The following SMC6 variants were observed in gnomAD, a reference collection of about 807,000 sequenced individuals.
SMC6 encodes structural maintenance of chromosomes 6, also known as structural maintenance of chromosomes protein 6.
SMC6 carries 79 observed loss-of-function variants against 142.2 expected under a neutral mutation model. The ratio of observed to expected loss-of-function variants is 0.56; its 90% CI spans 0.46 to 0.67. The LOEUF (loss-of-function observed/expected upper bound fraction) is 0.67, where lower values mean the gene tolerates loss of function less well. Among genes scored for constraint, SMC6 ranks in the 30% least tolerant of loss-of-function variants. The pLI, the probability that SMC6 is intolerant of heterozygous loss-of-function variation, is 0.00. For synonymous variants in SMC6, 411 were observed against 412.4 expected (o/e 1.00, Z 0.04); for missense variants, 1,072 against 1,284.0 (o/e 0.83, Z 2.52).
Position 17,670,538 on chromosome 2 carries a change from T to C in SMC6, c.2948A>G (p.Asp983Gly). 6.3e-7 allele frequency: 1 copy of C among 1,585,796 alleles called. No individual in the cohort carries two copies. The highest frequency in any genetic ancestry group is 1.2e-5 in the South Asian group (1 of 85,718). Residue 983 changes from aspartate to glycine, a missense_variant, in exon 26 of 28, where the codon GAC becomes GGC. Asp to Gly is a moderately conservative substitution (Grantham distance 94). Coordinates refer to ENST00000448223, the MANE Select transcript of SMC6 (RefSeq NM_001142286.2). Reference sequence around the variant, plus strand: ...TTCACCTCCAGACAAGGCTCTCATGTCATTGAAAGCAGCTTTATTTCCTTC... The same window carrying C: ...TTCACCTCCAGACAAGGCTCTCATGCCATTGAAAGCAGCTTTATTTCCTTC... ...PGEGNKAAFN[D>G]MRALSGGERS...
intron 23 of SMC6, among the ~76,000 whole-genome samples, chr2:17,690,036 TTAA>T (rs1285387665): frequency 1.3e-5 from 2 of 152,204 alleles, no homozygotes; most frequent in Non-Finnish European, 2.9e-5. Flanking sequence ...CAATACATTA[TTAA>T]TTCCAAATGG....
chr2:17,717,490 T>A (rs1234171627), intron 12 of SMC6, among the ~76,000 whole-genome samples: 1 of 151,436 alleles, frequency 6.6e-6, no homozygotes, highest in African/African-American at 2.4e-5. Flanking sequence ...GCTAACATGG[T>A]GAAACCCCGT....
chr2:17,693,199 G>C (rs1467909369), intron 23 of SMC6, among the ~76,000 whole-genome samples: 1 of 152,158 alleles, frequency 6.6e-6, no homozygotes, highest in African/African-American at 2.4e-5. Context: ...TCCCATTACT[G>C]GGTGTATACT....
At chr2:17,721,373 C>A in intron 9 of SMC6, 112 bp from the exon 10 acceptor site, 1 of 1,032,950 alleles carries the variant, frequency 9.7e-7, no homozygotes, top group African/African-American at 1.7e-5. Flanking sequence ...CATAAATATT[C>A]GTTTAAAAAT....
At chr2:17,691,244 AC>A (rs1191387875) in intron 23 of SMC6, among the ~76,000 whole-genome samples, 3 of 139,142 alleles carry the variant, frequency 2.2e-5, no homozygotes, top group Non-Finnish European at 4.8e-5. Context: ...ACACACACAC[AC>A]ACACACACAC....
chr2:17,728,965 G>A (rs144221651), intron 7 of SMC6, among the ~76,000 whole-genome samples: 3,566 of 152,110 alleles, frequency 0.023, 148 homozygotes, highest in African/African-American at 0.082. Flanking sequence ...GGCCAGCCTG[G>A]TCTTGAACTC....
intron 19 of SMC6, among the ~76,000 whole-genome samples, chr2:17,702,503 CTTT>C (rs1668315360): frequency 6.6e-6 from 1 of 152,066 alleles, no homozygotes; most frequent in Non-Finnish European, 1.5e-5. Context: ...CTCACAAAAT[CTTT>C]TTGGTTTCAA....
rs997414220 is a variant in SMC6, at chr2:17,664,220, A to G, written c.*1279T>C. On this transcript the variant is annotated 3_prime_UTR_variant, in exon 28 of 28. Coordinates refer to ENST00000448223, the MANE Select transcript of SMC6 (RefSeq NM_001142286.2). ...AATCAGACTTTGTATGATCAGTGGG[A>G]AATGTTTAAAATATTCAGCACACAC... 4 of 152,238 alleles carry G rather than the reference A, an allele frequency of 2.6e-5. No homozygotes were observed. The highest frequency in any genetic ancestry group is 9.6e-5 in the African/African-American group (4 of 41,470). The allele number at this position is 152,238 out of a possible 1,614,324, so 9.4% of individuals were successfully genotyped here. A position where few individuals can be genotyped will look rare whatever the true frequency, so the allele number is the denominator to read the frequency against.
intron 2 of SMC6, among the ~76,000 whole-genome samples, chr2:17,750,409 C>T (rs933319877): frequency 9.9e-5 from 15 of 152,048 alleles, no homozygotes; most frequent in Non-Finnish European, 2.1e-4. Context: ...TCCTTTGATC[C>T]CCAACATCTT....
intron 25 of SMC6, 84 bp downstream of exon 25, chr2:17,678,775 C>T: frequency 9.9e-7 from 1 of 1,007,334 alleles, no homozygotes; most frequent in Non-Finnish European, 1.5e-6. Flanking sequence ...GACTCTGCCT[C>T]TAAAAAAAAC....
chr2:17,752,812 G>C (rs933145690), intron 2 of SMC6, among the ~76,000 whole-genome samples, 166 bp downstream of exon 2: 5 of 152,198 alleles, frequency 3.3e-5, no homozygotes, highest in African/African-American at 1.2e-4. Context: ...AGGAGATTTG[G>C]GTTTTTCTTT....
At chr2:17,738,421 C>A in intron 4 of SMC6, 95 bp from the exon 5 acceptor site, 1 of 703,300 alleles carries the variant, frequency 1.4e-6, no homozygotes, top group Non-Finnish European at 2.2e-6. Context: ...ATGAATGAGA[C>A]TCACTTTAAA....
intron 15 of SMC6, among the ~76,000 whole-genome samples, chr2:17,715,462 C>T (rs1325277759): frequency 6.6e-6 from 1 of 151,444 alleles, no homozygotes; most frequent in Non-Finnish European, 1.5e-5. Context: ...AAAGCCTCAT[C>T]CTTTGAAATG....
intron 3 of SMC6, among the ~76,000 whole-genome samples, chr2:17,744,162 T>C (rs991264207): frequency 5.9e-5 from 9 of 152,204 alleles, no homozygotes; most frequent in African/African-American, 2.2e-4. Flanking sequence ...CAAAGTGTGT[T>C]CCAAAGTGGC....
chr2:17,675,787 A>G (rs145654808), intron 25 of SMC6, among the ~76,000 whole-genome samples: 2 of 152,110 alleles, frequency 1.3e-5, no homozygotes, highest in East Asian at 3.9e-4. Flanking sequence ...AGGTAAGGTT[A>G]CCTCTTTGTT....
intron 23 of SMC6, among the ~76,000 whole-genome samples, chr2:17,691,441 G>T (rs1223403666): frequency 8.8e-6 from 1 of 113,254 alleles, no homozygotes; most frequent in African/African-American, 4.6e-5. Flanking sequence ...GTGAATAGTT[G>T]CCGTTTTGAA....
At chr2:17,716,708 G>GA in intron 14 of SMC6, 33 bp downstream of exon 14, 2 of 1,589,230 alleles carry the variant, frequency 1.3e-6, no homozygotes, top group South Asian at 1.2e-5. Flanking sequence ...AAAAGTAATT[G>GA]AAAAAAATCA....
chr2:17,692,223 A>T (rs551726475), intron 23 of SMC6, among the ~76,000 whole-genome samples: 1 of 152,302 alleles, frequency 6.6e-6, no homozygotes, highest in South Asian at 2.1e-4. Context: ...TTCATATGGA[A>T]CCAAAAAAGA....
At chr2:17,749,786 TA>T (rs1670937547) in intron 2 of SMC6, among the ~76,000 whole-genome samples, 2 of 152,244 alleles carry the variant, frequency 1.3e-5, no homozygotes, top group South Asian at 4.1e-4. Flanking sequence ...TTCTAAATTT[TA>T]TTAAGTATAT....
Sources: gnomAD v4.1 joint callset for allele counts (sites outside exome capture counted in the v4.1 genomes callset) on GRCh38, gnomAD v4.1.1 for gene constraint, MANE v1.5 for transcripts, NCBI Gene and HGNC (gene_info 2026-07-23, HGNC 2026-07-21) for gene names.